RTN4: variants seen among roughly 807,000 people sequenced by gnomAD.
RTN4 encodes the protein reticulon-4.
A neutral mutation model predicts 90.4 loss-of-function variants in RTN4; 32 were observed. The ratio of observed to expected loss-of-function variants is 0.35; its 90% confidence interval spans 0.27 to 0.48. The LOEUF (loss-of-function observed/expected upper bound fraction) is 0.48. Ranked by LOEUF, RTN4 falls within the 20% of genes least tolerant of loss-of-function variation. The pLI, the probability that RTN4 is intolerant of heterozygous loss-of-function variation, is 0.99. For missense variants in RTN4, 1,706 were observed against 1,430.2 expected (o/e 1.19, Z -3.11); for synonymous variants, 629 against 552.5 (o/e 1.14, Z -1.94).
At chr2:55,127,140 T>C in the RTN4 span, among the ~76,000 whole-genome samples, 14 of 152,116 alleles carry the variant, frequency 9.2e-5, no homozygotes, top group African/African-American at 2.7e-4. Context: ...CAAATCTTCA[T>C]GTGTACCCCT....
chr2:55,025,985 G>C lies in RTN4; in HGVS notation c.2114C>G (p.Thr705Arg), dbSNP rs777529384. 4.3e-6 allele frequency: 7 copies of C among 1,612,632 alleles called. No homozygotes were observed. The highest frequency in any genetic ancestry group is 2.7e-5 in the African/African-American group (2 of 74,962). ...ISIACDLIKE[T>R]KLSAEPAPDF... ...CGGAGCTGGTTCAGCAGAAAGCTTT[G>C]TTTCTTTAATTAAATCACATGCAAT... Residue 705 changes from threonine (T) to arginine (R), a missense_variant, in exon 3 of 9, where the codon ACA (threonine) becomes AGA (arginine). By Grantham distance (71) the Thr-to-Arg change is moderately conservative. Transcript: ENST00000337526.
At position 55,026,129 on chromosome 2, in the gene RTN4, G is replaced by A; in HGVS notation, c.1970C>T (p.Pro657Leu). The A allele has an allele frequency of 6.2e-7, 1 of 1,613,298 alleles. No individual in the cohort carries two copies. The highest frequency in any genetic ancestry group is 8.5e-7 in the Non-Finnish European group (1 of 1,179,730). The change falls in exon 3 of 9, where the codon CCA becomes CTA. Residue 657 changes from proline (P) to leucine (L), a missense_variant. Transcript: ENST00000337526. ...ESIKHEPENP[P>L]PYEEAMSVSL... ...TACACTCATGGCCTCTTCATATGGT[G>A]GGGGGTTTTCAGGCTCATGTTTTAT...
the RTN4 span, among the ~76,000 whole-genome samples, chr2:55,122,139 T>C: frequency 1.2e-4 from 18 of 151,890 alleles, no homozygotes; most frequent in Non-Finnish European, 1.9e-4. Flanking sequence ...GGGCCCCCTC[T>C]AGATAATTTT....
chr2:55,066,233 A>C (rs1409060166), intron 2 of RTN4, among the ~76,000 whole-genome samples: 1 of 150,926 alleles, frequency 6.6e-6, no homozygotes, highest in Admixed American at 6.6e-5. Flanking sequence ...ATGTTTTAAT[A>C]GCTACATGTT....
intron 3 of RTN4, among the ~76,000 whole-genome samples, chr2:55,018,805 T>C (rs971069467): frequency 1.3e-5 from 2 of 152,192 alleles, no homozygotes; most frequent in Admixed American, 1.3e-4. Flanking sequence ...CTTTATCCAC[T>C]GAAAGGGTTA....
At chr2:55,126,644 A>C in the RTN4 span, among the ~76,000 whole-genome samples, 1 of 152,206 alleles carries the variant, frequency 6.6e-6, no homozygotes, top group East Asian at 1.9e-4. Flanking sequence ...TAAAAACAGA[A>C]CTACCATTCG....
At chr2:54,985,787 G>C (rs1018677756) in intron 4 of RTN4, among the ~76,000 whole-genome samples, 1 of 152,070 alleles carries the variant, frequency 6.6e-6, no homozygotes, top group Admixed American at 6.5e-5. Context: ...ATATCAACTG[G>C]ATCATGTTGT....
In RTN4 at chr2:54,990,787, T is replaced by A. The variant is rs1349677470; in HGVS notation, c.3014-3089A>T. On this transcript the variant is annotated intron_variant, in intron 3 of 8. Transcript: ENST00000337526. ...AAGGTGTACCTCAAATATATTTTTC[T>A]TTTACTTTTTTTTTTTGAGACAGAG... Among the ~76,000 whole-genome samples, 18 of 152,180 alleles carry A rather than the reference T, an allele frequency of 1.2e-4. 1 individual carries two copies. In the East Asian group the frequency reaches 3.5e-3, roughly 29 times the overall value.
chr2:55,074,011 A>G (rs1391712098), intron 2 of RTN4, among the ~76,000 whole-genome samples: 1 of 152,220 alleles, frequency 6.6e-6, no homozygotes, highest in African/African-American at 2.4e-5. Flanking sequence ...TTTCCAAAAC[A>G]GCTCACTTGC....
chr2:55,130,371 G>A, the RTN4 span, among the ~76,000 whole-genome samples: 6 of 152,136 alleles, frequency 3.9e-5, no homozygotes, highest in Admixed American at 3.9e-4. Context: ...TACATACTAA[G>A]ATGGCCAAAA....
intron 1 of RTN4, among the ~76,000 whole-genome samples, chr2:55,035,229 T>G (rs566759172): frequency 6.6e-6 from 1 of 152,288 alleles, no homozygotes; most frequent in Admixed American, 6.5e-5. Flanking sequence ...CACATTCTTC[T>G]CAAGTACATA....
At chr2:55,077,082 G>A (rs891853081) in intron 2 of RTN4, among the ~76,000 whole-genome samples, 5 of 150,604 alleles carry the variant, frequency 3.3e-5, no homozygotes, top group Non-Finnish European at 7.4e-5. Context: ...GCGCGATCTC[G>A]GCTCACTTTA....
At chr2:55,080,082 T>A (rs1483392207) in intron 2 of RTN4, among the ~76,000 whole-genome samples, 1 of 152,106 alleles carries the variant, frequency 6.6e-6, no homozygotes, top group Admixed American at 6.5e-5. Context: ...AGTGGCATGA[T>A]CACAGTTAAC....
intron 2 of RTN4, among the ~76,000 whole-genome samples, chr2:55,070,748 T>TTTGTTGTTGTTGTTGTTG (rs71410417): frequency 6.7e-6 from 1 of 149,416 alleles, no homozygotes; most frequent in Non-Finnish European, 1.5e-5. Flanking sequence ...TGTTTTGATT[T>TTTGTTGTTGTTGTTGTTG]TTGTTGTTGT....
chr2:55,093,735 T>G lies in RTN4; in HGVS notation c.-213-13096A>C, dbSNP rs1168774130. On this transcript the variant is annotated intron_variant, in intron 1 of 3. Coordinates refer to the RTN4 transcript ENST00000427710. ...GGAAAAAGGGTAAATGTCTCAATTGTTTCCTCCTCTGATTACAGCCAGAGG... is the reference window on the plus strand; with the variant it reads ...GGAAAAAGGGTAAATGTCTCAATTGGTTCCTCCTCTGATTACAGCCAGAGG... 2.0e-5 allele frequency among the ~76,000 whole-genome samples: 3 copies of G among 152,326 alleles called. No homozygotes were observed. In the East Asian group the frequency reaches 5.8e-4, roughly 29 times the overall value.
chr2:55,019,238 G>A (rs1681254292), intron 3 of RTN4, among the ~76,000 whole-genome samples: 1 of 152,074 alleles, frequency 6.6e-6, no homozygotes, highest in African/African-American at 2.4e-5. Context: ...GAATGCTGAG[G>A]GTCAAATGAA....
upstream of RTN4, among the ~76,000 whole-genome samples, chr2:55,052,462 A>G (rs997937778): frequency 7.2e-5 from 11 of 152,218 alleles, no homozygotes; most frequent in African/African-American, 2.7e-4. Context: ...ATTATCAACA[A>G]TATATTCAAG....
At chr2:55,133,201 A>C in the RTN4 span, among the ~76,000 whole-genome samples, 1 of 152,070 alleles carries the variant, frequency 6.6e-6, no homozygotes, top group Non-Finnish European at 1.5e-5. Context: ...GCAGACTGAG[A>C]CTCTGTCTCA....
intron 1 of RTN4, among the ~76,000 whole-genome samples, chr2:55,094,020 C>T (rs1019908331): frequency 3.3e-5 from 5 of 152,160 alleles, no homozygotes; most frequent in African/African-American, 4.8e-5. Context: ...ATCTGGGTGG[C>T]AGAGCGGATG....
Sources: gnomAD v4.1 joint callset for allele counts (sites outside exome capture counted in the v4.1 genomes callset) on GRCh38, gnomAD v4.1.1 for gene constraint, MANE v1.5 for transcripts, NCBI Gene and HGNC (gene_info 2026-07-23, HGNC 2026-07-21) for gene names.